The following NCAM1 variants were observed in gnomAD, a reference collection of about 807,000 sequenced individuals.
The protein encoded by NCAM1 is antigen recognized by monoclonal antibody 5.1H11.
In NCAM1, 14 loss-of-function variants were observed where a neutral mutation model predicts 109.8. That is an observed-to-expected ratio of 0.13 (90% CI 0.08 to 0.20). The LOEUF is 0.20. NCAM1 is among the 10% of genes least tolerant of loss of function. NCAM1 has a pLI of 1.00. For missense variants in NCAM1, 774 were observed against 1,109.9 expected (o/e 0.70, Z 4.30); for synonymous variants, 418 against 442.9 (o/e 0.94, Z 0.70).
intron 1 of NCAM1, chr11:113,133,975 C>CT: frequency 6.7e-6 from 1 of 150,228 alleles, no homozygotes; most frequent in Non-Finnish European, 1.5e-5. Flanking sequence ...CTCTCTTTGC[C>CT]TATTTTCGGT....
At chr11:113,231,229 C>T in intron 9 of NCAM1, 1 of 1,536,156 alleles carries the variant, frequency 6.5e-7, no homozygotes, top group Non-Finnish European at 8.7e-7. Flanking sequence ...AGTGGGCAGA[C>T]AGAAAGGACA....
intron 15 of NCAM1, among the ~76,000 whole-genome samples, chr11:113,254,690 G>A (rs1217084483): frequency 6.6e-6 from 1 of 152,188 alleles, no homozygotes; most frequent in East Asian, 1.9e-4. Context: ...CTGGTGACAA[G>A]CCATTTTGTG....
chr11:112,982,553 TA>T (rs1852341599), intron 1 of NCAM1, among the ~76,000 whole-genome samples: 2 of 151,794 alleles, frequency 1.3e-5, no homozygotes, highest in Admixed American at 1.3e-4. Context: ...GGAGCTACTG[TA>T]GAGGCTGTGT....
intron 1 of NCAM1, among the ~76,000 whole-genome samples, chr11:113,037,690 A>G: frequency 6.6e-6 from 1 of 152,176 alleles, no homozygotes; most frequent in East Asian, 1.9e-4. Context: ...TTCTTCACTA[A>G]ATGCATAAGT....
chr11:113,263,392 T>C (rs931701041), intron 17 of NCAM1: 14 of 989,284 alleles, frequency 1.4e-5, no homozygotes, highest in Admixed American at 1.2e-4. Context: ...AATAATTGGC[T>C]TTGCTTGCAA....
At chr11:113,175,317 A>G (rs1408471288) in intron 1 of NCAM1, among the ~76,000 whole-genome samples, 1 of 152,238 alleles carries the variant, frequency 6.6e-6, no homozygotes, top group Non-Finnish European at 1.5e-5. Flanking sequence ...GTTTGAATGA[A>G]GGTGGCAAGG....
At chr11:112,977,365 T>C (rs1555067877) in intron 1 of NCAM1, 1 of 151,856 alleles carries the variant, frequency 6.6e-6, no homozygotes, top group African/African-American at 2.4e-5. Flanking sequence ...GTATTATAGC[T>C]CTTTTATAAT....
At chr11:113,074,915 A>G (rs781873592) in intron 1 of NCAM1, among the ~76,000 whole-genome samples, 1 of 152,196 alleles carries the variant, frequency 6.6e-6, no homozygotes, top group Non-Finnish European at 1.5e-5. Context: ...TATAGGCGTC[A>G]GCAACTGTGC....
At chr11:113,018,058 C>T (rs182326195) in intron 1 of NCAM1, among the ~76,000 whole-genome samples, 14 of 152,240 alleles carry the variant, frequency 9.2e-5, no homozygotes, top group African/African-American at 3.1e-4. Flanking sequence ...GCATAGAAAT[C>T]GAAATACTTC....
At chr11:113,230,181 G>A (rs1405617874) in intron 9 of NCAM1, among the ~76,000 whole-genome samples, 3 of 152,068 alleles carry the variant, frequency 2.0e-5, no homozygotes, top group Non-Finnish European at 4.4e-5. Context: ...GTGTCACAAG[G>A]CTTTCTAGTG....
chr11:113,020,768 T>A (rs1174500583), intron 1 of NCAM1, among the ~76,000 whole-genome samples: 2 of 152,056 alleles, frequency 1.3e-5, no homozygotes, highest in African/African-American at 4.8e-5. Context: ...TTATTATTAT[T>A]ATAATTGGAA....
chr11:113,185,795 C>A (rs1428827278), intron 1 of NCAM1, among the ~76,000 whole-genome samples: 6 of 152,166 alleles, frequency 3.9e-5, no homozygotes, highest in South Asian at 2.1e-4. Context: ...AAGCCAGTGA[C>A]CCCCCTCACC....
intron 16 of NCAM1, 122 bp downstream of exon 16, chr11:113,256,123 A>C: frequency 7.5e-7 from 1 of 1,333,176 alleles, no homozygotes; most frequent in Non-Finnish European, 1.0e-6. Flanking sequence ...TGTGTCTGGC[A>C]GGTGGCCCAT....
At chr11:113,063,642 C>T (rs1394965653) in intron 1 of NCAM1, among the ~76,000 whole-genome samples, 1 of 152,174 alleles carries the variant, frequency 6.6e-6, no homozygotes, top group African/African-American at 2.4e-5. Flanking sequence ...GGGGTTCAGA[C>T]ATTCTGCTCA....
chr11:113,239,607 G>A (rs573454226), intron 14 of NCAM1, among the ~76,000 whole-genome samples: 2 of 145,544 alleles, frequency 1.4e-5, no homozygotes, highest in South Asian at 2.2e-4. Context: ...CCGGGTTCAC[G>A]CCATACTCCT....
Position 113,029,597 on chromosome 11 carries a change from C to A in NCAM1, c.52+67933C>A, listed in dbSNP as rs994269653. On this transcript the variant is annotated intron_variant, in intron 1 of 19. Coordinates refer to ENST00000316851, the MANE Select transcript of NCAM1 (RefSeq NM_181351.5). ...GATGACAGCAGGAGGAGTCAGGGCT[C>A]CTGGAGGGTGGACTCTGGAAAACTC... 1.2e-4 allele frequency among the ~76,000 whole-genome samples: 19 copies of A among 152,166 alleles called. 1 individual carries two copies. The highest frequency in any genetic ancestry group is 2.2e-4 in the Non-Finnish European group (15 of 68,008).
At chr11:113,000,851 C>CACACA (rs1555072319) in intron 1 of NCAM1, among the ~76,000 whole-genome samples, 4 of 91,374 alleles carry the variant, frequency 4.4e-5, no homozygotes, top group African/African-American at 1.6e-4. Flanking sequence ...TATATATACA[C>CACACA]AAAAAATATA....
intron 9 of NCAM1, among the ~76,000 whole-genome samples, chr11:113,225,697 C>T (rs912482602): frequency 6.2e-4 from 95 of 152,178 alleles, no homozygotes; most frequent in African/African-American, 2.2e-3. Context: ...GTCGGGTTAC[C>T]CACAAAGGGA....
At chr11:112,989,079 G>A (rs1041521629) in intron 1 of NCAM1, among the ~76,000 whole-genome samples, 1 of 152,020 alleles carries the variant, frequency 6.6e-6, no homozygotes, top group Non-Finnish European at 1.5e-5. Flanking sequence ...AATGTGCCTC[G>A]GAATGTTCTT....
Sources: allele counts gnomAD v4.1 joint callset (sites outside exome capture counted in the v4.1 genomes callset), GRCh38; gene constraint gnomAD v4.1.1; transcripts MANE v1.5; gene names NCBI Gene and HGNC (gene_info 2026-07-23, HGNC 2026-07-21).